OLA1: variants seen among roughly 807,000 people sequenced by gnomAD.
The protein encoded by OLA1 is Obg like ATPase 1.
In OLA1, 14 loss-of-function variants were observed where a neutral mutation model predicts 48.4. The ratio of observed to expected loss-of-function variants is 0.29; its 90% CI spans 0.19 to 0.45. OLA1 has a LOEUF of 0.45. Among genes scored for constraint, OLA1 ranks in the 20% least tolerant of loss-of-function variants. The pLI, the probability that OLA1 is intolerant of heterozygous loss-of-function variation, is 1.00. For missense variants in OLA1, 325 were observed against 467.1 expected (o/e 0.70, Z 2.80); for synonymous variants, 127 against 150.4 (o/e 0.84, Z 1.14).
intron 4 of OLA1, among the ~76,000 whole-genome samples, chr2:174,143,782 A>G (rs537885522): frequency 4.1e-4 from 63 of 152,274 alleles, no homozygotes; most frequent in Non-Finnish European, 6.9e-4. Flanking sequence ...GAAGGGGAAG[A>G]AATCATGTGT....
intron 5 of OLA1, chr2:174,124,317 G>A (rs1282903557): frequency 6.8e-6 from 1 of 147,134 alleles, no homozygotes; most frequent in Non-Finnish European, 1.5e-5. Context: ...TTCACTTTCA[G>A]AACATCTCTC....
At chr2:174,099,506 C>T (rs1379206507) in intron 7 of OLA1, among the ~76,000 whole-genome samples, 1 of 152,104 alleles carries the variant, frequency 6.6e-6, no homozygotes, top group Non-Finnish European at 1.5e-5. Flanking sequence ...AGTGAAGGAA[C>T]TATTTGTTAC....
At chr2:174,156,578 C>CTTTTTT (rs5836451) in intron 4 of OLA1, among the ~76,000 whole-genome samples, 20 of 74,188 alleles carry the variant, frequency 2.7e-4, no homozygotes, top group East Asian at 5.3e-4. Context: ...CTCCCACACT[C>CTTTTTT]TTTTTTTTTT....
At chr2:174,113,960 C>T (rs1306873993) in intron 7 of OLA1, among the ~76,000 whole-genome samples, 1 of 152,000 alleles carries the variant, frequency 6.6e-6, no homozygotes, top group African/African-American at 2.4e-5. Context: ...TTTCCAAGCT[C>T]AGAATGCCCA....
intron 4 of OLA1, among the ~76,000 whole-genome samples, chr2:174,199,632 T>C (rs1687948668): frequency 6.6e-6 from 1 of 152,196 alleles, no homozygotes. Flanking sequence ...AGATTTGGAA[T>C]ATCTGTATCA....
At chr2:174,233,297 C>T (rs1176322005) in intron 2 of OLA1, among the ~76,000 whole-genome samples, 1 of 152,118 alleles carries the variant, frequency 6.6e-6, no homozygotes, top group African/African-American at 2.4e-5. Flanking sequence ...TTCTAGAGAT[C>T]TGTTATACAA....
intron 7 of OLA1, among the ~76,000 whole-genome samples, chr2:174,111,106 A>G (rs1685637483): frequency 6.6e-6 from 1 of 152,170 alleles, no homozygotes; most frequent in African/African-American, 2.4e-5. Context: ...TATGTAACAT[A>G]TTTTATTTAA....
intron 5 of OLA1, among the ~76,000 whole-genome samples, chr2:174,123,937 C>A (rs1438807884): frequency 6.6e-6 from 1 of 152,014 alleles, no homozygotes; most frequent in Non-Finnish European, 1.5e-5. Flanking sequence ...AATTCAATTA[C>A]ATCAAAGACT....
chr2:174,219,970 A>G (rs755275521), intron 4 of OLA1, among the ~76,000 whole-genome samples: 5 of 152,046 alleles, frequency 3.3e-5, no homozygotes, highest in African/African-American at 9.7e-5. Flanking sequence ...CGTCTCTACT[A>G]AAAATACAAA....
intron 4 of OLA1, among the ~76,000 whole-genome samples, chr2:174,157,263 C>T (rs1273474342): frequency 1.3e-5 from 2 of 152,100 alleles, no homozygotes; most frequent in African/African-American, 4.8e-5. Flanking sequence ...AAGCGGAACA[C>T]AACTAGTTTC....
chr2:174,234,903 AATCCC>A (rs1688810201), intron 2 of OLA1, among the ~76,000 whole-genome samples: 1 of 152,242 alleles, frequency 6.6e-6, no homozygotes, highest in South Asian at 2.1e-4. Context: ...CCAAGCCTGT[AATCCC>A]AGCATTTTGG....
intron 7 of OLA1, among the ~76,000 whole-genome samples, chr2:174,084,806 GC>G (rs34803236): frequency 6.6e-6 from 1 of 152,194 alleles, no homozygotes; most frequent in Non-Finnish European, 1.5e-5. Flanking sequence ...AAGCCATTCT[GC>G]CGAAGTGCCT....
At chr2:174,094,493 A>G (rs1685199610) in intron 7 of OLA1, among the ~76,000 whole-genome samples, 2 of 152,232 alleles carry the variant, frequency 1.3e-5, no homozygotes, top group Non-Finnish European at 2.9e-5. Context: ...GAAAAAGAAC[A>G]AAGTCGCAGG....
chr2:174,220,169 G>A (rs16862479), intron 4 of OLA1, among the ~76,000 whole-genome samples: 19,542 of 152,052 alleles, frequency 0.13, 2,507 homozygotes, highest in East Asian at 0.72. Flanking sequence ...TAAGCCATTT[G>A]AGATGGATAT....
At chr2:174,202,494 T>C (rs1252549994) in intron 4 of OLA1, among the ~76,000 whole-genome samples, 1 of 152,234 alleles carries the variant, frequency 6.6e-6, no homozygotes, top group Non-Finnish European at 1.5e-5. Flanking sequence ...GTTTTTTTCA[T>C]TGTGTTTAAT....
intron 7 of OLA1, among the ~76,000 whole-genome samples, chr2:174,101,146 T>C (rs1019955089): frequency 6.6e-6 from 1 of 152,218 alleles, no homozygotes; most frequent in Non-Finnish European, 1.5e-5. Context: ...CAGCAATGCA[T>C]GACAGTTCCT....
chr2:174,218,479 G>A, intron 4 of OLA1, among the ~76,000 whole-genome samples: 1 of 152,082 alleles, frequency 6.6e-6, no homozygotes, highest in East Asian at 1.9e-4. Context: ...TTTCACCTCA[G>A]CAGCACTTGT....
chr2:174,209,844 T>C (rs1688203937), intron 4 of OLA1, among the ~76,000 whole-genome samples: 1 of 152,326 alleles, frequency 6.6e-6, no homozygotes, highest in Non-Finnish European at 1.5e-5. Context: ...CCTTCAGAAC[T>C]ATTCACATAA....
At chr2:174,227,813 A>T (rs1341351293) in intron 3 of OLA1, among the ~76,000 whole-genome samples, 1 of 152,236 alleles carries the variant, frequency 6.6e-6, no homozygotes, top group East Asian at 1.9e-4. Context: ...TTACAAAATC[A>T]CCATGTGAGA....
Sources: gnomAD v4.1 joint callset for allele counts (sites outside exome capture counted in the v4.1 genomes callset) on GRCh38, gnomAD v4.1.1 for gene constraint, MANE v1.5 for transcripts, NCBI Gene and HGNC (gene_info 2026-07-23, HGNC 2026-07-21) for gene names.